Variants in PARD3 observed in about 807,000 individuals in gnomAD.
The protein encoded by PARD3 is partitioning defective 3 homolog.
A neutral mutation model predicts 155.4 loss-of-function variants in PARD3; 75 were observed. The observed-to-expected ratio is 0.48, with a 90% CI of 0.40 to 0.58. PARD3 has a LOEUF of 0.58. Ranked by LOEUF, PARD3 falls within the 20% of genes least tolerant of loss-of-function variation. The pLI is 0.00. For synonymous variants in PARD3, 576 were observed against 610.5 expected (o/e 0.94, Z 0.83); for missense variants, 1,642 against 1,721.7 (o/e 0.95, Z 0.82).
At chr10:34,354,458 C>G (rs1838559656) in intron 14 of PARD3, among the ~76,000 whole-genome samples, 2 of 151,734 alleles carry the variant, frequency 1.3e-5, no homozygotes, top group East Asian at 1.9e-4. Context: ...GGGTTGGATA[C>G]CAGCAAAGGA....
intron 1 of PARD3, among the ~76,000 whole-genome samples, chr10:34,697,814 G>C (rs2094203726): frequency 7.0e-6 from 1 of 143,108 alleles, no homozygotes; most frequent in Admixed American, 7.1e-5. Flanking sequence ...CTCTTCATTT[G>C]TGGGGCCTAT....
intron 4 of PARD3, among the ~76,000 whole-genome samples, chr10:34,459,204 T>C (rs895121190): frequency 6.6e-6 from 1 of 152,232 alleles, no homozygotes; most frequent in Non-Finnish European, 1.5e-5. Flanking sequence ...TCTCGCTCTG[T>C]GGCCCAGGCT....
At chr10:34,531,176 A>T (rs118164313) in intron 2 of PARD3, among the ~76,000 whole-genome samples, 2,866 of 152,232 alleles carry the variant, frequency 0.019, 36 homozygotes, top group Non-Finnish European at 0.027. Flanking sequence ...CTTAAATCCT[A>T]GTGCTTGATC....
At chr10:34,516,806 A>G (rs563395974) in intron 3 of PARD3, among the ~76,000 whole-genome samples, 173 bp downstream of exon 3, 1 of 152,374 alleles carries the variant, frequency 6.6e-6, no homozygotes, top group East Asian at 1.9e-4. Context: ...CTAATCTATT[A>G]CAATGTAAAG....
intron 2 of PARD3, among the ~76,000 whole-genome samples, chr10:34,579,438 C>T (rs2087202792): frequency 2.6e-5 from 4 of 151,924 alleles, no homozygotes; most frequent in Admixed American, 2.6e-4. Context: ...CCTAGATGAA[C>T]TTAGTTTCCT....
chr10:34,440,268 T>A (rs746057872), intron 5 of PARD3, among the ~76,000 whole-genome samples: 5 of 152,198 alleles, frequency 3.3e-5, no homozygotes, highest in Non-Finnish European at 5.9e-5. Context: ...ATAACCAGTA[T>A]TTTTTAAAGA....
intron 2 of PARD3, among the ~76,000 whole-genome samples, chr10:34,651,077 G>A (rs776883183): frequency 7.1e-6 from 1 of 141,552 alleles, no homozygotes; most frequent in African/African-American, 2.6e-5. Context: ...CACTTTGGAT[G>A]CACTTCACTT....
rs183389959 is a variant in PARD3 at position 34,171,113 on chromosome 10, C to T, written c.3420-39530G>A. On this transcript the variant is annotated intron_variant, in intron 22 of 24. Coordinates refer to ENST00000374788, the MANE Select transcript of PARD3 (RefSeq NM_001184785.2). The stretch of plus-strand genomic sequence containing the variant: ...TGACATATAGTCTCACATGTATACA[C>T]ACACGTTTATACACACTATCCATCC... Among the ~76,000 whole-genome samples the T allele has an allele frequency of 4.6e-5, 7 of 152,296 alleles. 1 individual carries two copies. The East Asian group carries it at 1.3e-3, about 29-fold the overall frequency.
chr10:34,406,215 C>A (rs997317169), intron 5 of PARD3, among the ~76,000 whole-genome samples: 3 of 152,160 alleles, frequency 2.0e-5, no homozygotes, highest in Non-Finnish European at 4.4e-5. Flanking sequence ...ATCTTCTACA[C>A]TGAAAAAACA....
intron 2 of PARD3, among the ~76,000 whole-genome samples, chr10:34,636,223 C>G (rs982057355): frequency 1.3e-5 from 2 of 152,110 alleles, no homozygotes; most frequent in African/African-American, 4.8e-5. Context: ...CAAACCAGGG[C>G]CAGCACTCCC....
At chr10:34,524,355 T>C (rs1031084309) in intron 2 of PARD3, among the ~76,000 whole-genome samples, 2 of 152,210 alleles carry the variant, frequency 1.3e-5, no homozygotes, top group South Asian at 2.1e-4. Flanking sequence ...TCATGCCTAA[T>C]AGAGATATTC....
At chr10:34,247,630 A>G (rs1460790908) in intron 22 of PARD3, among the ~76,000 whole-genome samples, 1 of 152,202 alleles carries the variant, frequency 6.6e-6, no homozygotes, top group African/African-American at 2.4e-5. Flanking sequence ...AAACAGGAAC[A>G]TAAAGAGGAG....
intron 1 of PARD3, among the ~76,000 whole-genome samples, chr10:34,808,594 C>T (rs568082535): frequency 3.9e-4 from 59 of 152,162 alleles, no homozygotes; most frequent in African/African-American, 1.3e-3. Context: ...TGGAAAATTA[C>T]CTATAGAAAG....
At chr10:34,183,097 C>T (rs1298907172) in intron 22 of PARD3, among the ~76,000 whole-genome samples, 1 of 152,154 alleles carries the variant, frequency 6.6e-6, no homozygotes, top group Non-Finnish European at 1.5e-5. Flanking sequence ...CCAAGTCTAA[C>T]GGGGAGCAAG....
chr10:34,177,174 A>G (rs1035525107), intron 22 of PARD3, among the ~76,000 whole-genome samples: 6 of 152,196 alleles, frequency 3.9e-5, no homozygotes, highest in African/African-American at 1.4e-4. Context: ...GCTGAAGGCA[A>G]GAAAGAGCAA....
At chr10:34,336,464 A>G in intron 17 of PARD3, 2 of 480,272 alleles carry the variant, frequency 4.2e-6, no homozygotes, top group South Asian at 6.6e-5. Context: ...CATGTGTGTT[A>G]TATGTTAGCA....
intron 1 of PARD3, among the ~76,000 whole-genome samples, chr10:34,813,782 A>C (rs1183453426): frequency 6.6e-6 from 1 of 152,198 alleles, no homozygotes; most frequent in African/African-American, 2.4e-5. Flanking sequence ...CCCCAAGCCC[A>C]CAGGGGCCAG....
intron 7 of PARD3, among the ~76,000 whole-genome samples, chr10:34,396,824 T>C (rs899453466): frequency 3.3e-5 from 5 of 152,160 alleles, no homozygotes; most frequent in African/African-American, 1.2e-4. Flanking sequence ...ACTACATTGC[T>C]TAATTTACTC....
At chr10:34,585,010 C>T (rs1448590555) in intron 2 of PARD3, among the ~76,000 whole-genome samples, 1 of 152,026 alleles carries the variant, frequency 6.6e-6, no homozygotes, top group Non-Finnish European at 1.5e-5. Flanking sequence ...CTCAGTAACA[C>T]TCATAAAAAA....
Sources: gnomAD v4.1 joint callset for allele counts (sites outside exome capture counted in the v4.1 genomes callset) on GRCh38, gnomAD v4.1.1 for gene constraint, MANE v1.5 for transcripts, NCBI Gene and HGNC (gene_info 2026-07-23, HGNC 2026-07-21) for gene names.